The following SLC4A11 variants were observed in gnomAD, a reference collection of about 807,000 sequenced individuals.
SLC4A11 encodes the protein bicarbonate transporter related protein 1.
In SLC4A11, 74 loss-of-function variants were observed where a neutral mutation model predicts 95.0. The ratio of observed to expected loss-of-function variants is 0.78; its 90% CI spans 0.65 to 0.95. The LOEUF is 0.95. SLC4A11 is among the 40% of genes least tolerant of loss of function. SLC4A11 has a pLI of 0.00. For synonymous variants in SLC4A11, 548 were observed against 519.0 expected (o/e 1.06, Z -0.76); for missense variants, 1,081 against 1,192.4 (o/e 0.91, Z 1.38).
rs929013659 is a variant in SLC4A11 at position 3,231,343 on chromosome 20, T to C, written c.935A>G (p.His312Arg). 1 of 1,613,850 alleles carries C rather than the reference T, an allele frequency of 6.2e-7. No individual in the cohort carries two copies. The highest frequency in any genetic ancestry group is 8.5e-7 in the Non-Finnish European group (1 of 1,179,954). Residue 312 changes from histidine (H) to arginine (R), a missense_variant, in exon 8 of 20, where the codon CAC becomes CGC. His to Arg is a conservative substitution (Grantham distance 29, BLOSUM62 0). Around this residue, in one of 3 missense-constraint regions of SLC4A11, gnomAD observed 767 missense variants for 858.0 expected, o/e 0.89. Transcript: ENST00000642402. The surrounding 1 kb of genome is among the most constrained non-coding windows in gnomAD (Gnocchi z 5.2). ...KERSTVSLPA[H>R]RHPEPPKCKD... Reference sequence around the variant, plus strand: ...TCTACCCTGTACCTCTGGGTGTCTGTGGGCAGGGAGGGAGACTGTGCTGCG... The same window carrying C: ...TCTACCCTGTACCTCTGGGTGTCTGCGGGCAGGGAGGGAGACTGTGCTGCG...
At chr20:3,230,420 TA>T in intron 12 of SLC4A11, 94 bp downstream of exon 12, 3 of 1,590,982 alleles carry the variant, frequency 1.9e-6, no homozygotes, top group Non-Finnish European at 2.6e-6. Context: ...GGGGCAGCAA[TA>T]TGGTGGGGGC....
intron 6 of SLC4A11, 91 bp from the exon 7 acceptor site, chr20:3,233,728 G>T: frequency 6.3e-7 from 1 of 1,578,470 alleles, no homozygotes; most frequent in Non-Finnish European, 8.6e-7. Flanking sequence ...GACCCCTGGC[G>T]ACCTCTGCTA....
rs747504469 is a variant in SLC4A11, at chr20:3,228,568, T to A, written c.2332A>T (p.Thr778Ser). 4.3e-6 allele frequency: 7 copies of A among 1,612,778 alleles called. No individual in the cohort carries two copies. The South Asian group carries it at 7.7e-5, about 18-fold the overall frequency. The change falls in exon 18 of 20, where the codon ACC (threonine) becomes TCC (serine). Residue 778 changes from threonine (T) to serine (S), a missense_variant. Around this residue, in one of 3 missense-constraint regions of SLC4A11, gnomAD observed 767 missense variants for 858.0 expected, o/e 0.89. Transcript: ENST00000642402. ...LYGLFLYIAL[T>S]SLDGNQLVQR... ...ACGAGCTGGTTGCCATCGAGGGAGG[T>A]GAGCGCGATGTAGAGGAAGAGGCCA...
chr20:3,234,989 TC>T lies in SLC4A11; in HGVS notation c.89-96del. 1 of 1,515,660 alleles carries T rather than the reference TC, an allele frequency of 6.6e-7. No homozygotes were observed. Among genetic ancestry groups the T allele is most frequent in the Non-Finnish European group, 9.1e-7 (1 of 1,097,680 alleles). 93.9% of individuals were successfully genotyped at this position (1,515,660 alleles called of 1,614,324 possible). A position where few individuals can be genotyped will look rare whatever the true frequency, so the allele number is the denominator to read the frequency against. ...CCAGGGAGCAGGGACCCCTGGACTG[TC>T]CCACTCTCGGGCCGTGGTGGGAGAG... On this transcript the variant is annotated intron_variant, in intron 2 of 19. Coordinates refer to ENST00000642402, the MANE Select transcript of SLC4A11 (RefSeq NM_001174089.2). This position sits in a 1 kb window ranked among gnomAD's most constrained non-coding sequence, Gnocchi z 5.8.
intron 16 of SLC4A11, 35 bp downstream of exon 16, chr20:3,229,060 G>GGGCCCCCCCCCCCCCCCCC: frequency 6.5e-7 from 1 of 1,542,068 alleles, no homozygotes; most frequent in Non-Finnish European, 8.7e-7. Context: ...AGAGGCCCGG[G>GGGCCCCCCCCCCCCCCCCC]CCCCGCCCAC....
Position 3,236,246 on chromosome 20 carries a change from C to G in SLC4A11, c.88+1298G>C, listed in dbSNP as rs557976202. ...GCCCTAGTGCCTCCTGCATCAAAGT[C>G]CCCAGGGACTGGTGACTCCCAGGCC... is the stretch of plus-strand genomic sequence containing the variant. On this transcript the variant is annotated intron_variant, in intron 2 of 19. Coordinates refer to ENST00000642402, the MANE Select transcript of SLC4A11 (RefSeq NM_001174089.2). 6.5e-4 allele frequency among the ~76,000 whole-genome samples: 99 copies of G among 152,260 alleles called. 1 individual carries two copies. The highest frequency in any genetic ancestry group is 6.5e-3 in the Admixed American group (99 of 15,294).
upstream of SLC4A11, chr20:3,239,498 C>T: frequency 1.0e-6 from 1 of 1,003,626 alleles, no homozygotes; most frequent in Non-Finnish European, 1.2e-6. Flanking sequence ...GGCCGGGGAG[C>T]TTCTGGGAAA....
At position 3,234,866 on chromosome 20, in the gene SLC4A11, G is replaced by A. The variant is rs774713662; in HGVS notation, c.117C>T (p.Thr39=). Reference sequence around the variant, plus strand: ...CCAGGATCTCCTCTCGGGCTTCGAAGGTGTCATCTGTGTCACACTTGTAGT... The same window carrying A: ...CCAGGATCTCCTCTCGGGCTTCGAAAGTGTCATCTGTGTCACACTTGTAGT... ...SSYYKCDTDD[T]FEAREEILGD... Residue 39 remains threonine (T), a synonymous_variant, in exon 3 of 20, where the codon ACC becomes ACT. Coordinates refer to ENST00000642402, the MANE Select transcript of SLC4A11 (RefSeq NM_001174089.2). The surrounding 1 kb of genome is among the most constrained non-coding windows in gnomAD (Gnocchi z 5.8). The A allele has an allele frequency of 2.8e-5, 45 of 1,613,862 alleles. No homozygotes were observed. In the South Asian group the frequency reaches 4.9e-4, roughly 18 times the overall value.
intron 2 of SLC4A11, among the ~76,000 whole-genome samples, chr20:3,236,975 G>T (rs2122643406): frequency 6.6e-6 from 1 of 152,244 alleles, no homozygotes; most frequent in East Asian, 1.9e-4. Context: ...CATGTCCTGA[G>T]GGCTCTGGGT....
chr20:3,239,446 G>GGACCCAGCA (rs1568550514), upstream of SLC4A11: 1 of 1,046,176 alleles, frequency 9.6e-7, no homozygotes, highest in Non-Finnish European at 1.1e-6. Context: ...TGTGCGCGCC[G>GGACCCAGCA]GACCCAGCAG....
Position 3,228,425 on chromosome 20 carries a change from C to T in SLC4A11, c.2392G>A (p.Ala798Thr). The change falls in exon 19 of 20, where the codon GCG becomes ACG. Residue 798 changes from alanine (A) to threonine (T), a missense_variant. Ala to Thr is a moderately conservative substitution (Grantham distance 58). Transcript: ENST00000642402. ...CGGATGTAGTGTGTCGGGGGGTACGCAGTCTGTGGGCGGCAGGGACCGGGT... is the reference window on the plus strand; with the variant it reads ...CGGATGTAGTGTGTCGGGGGGTACGTAGTCTGTGGGCGGCAGGGACCGGGT... ...RVALLLKEQT[A>T]YPPTHYIRRV... 1.2e-6 allele frequency: 2 copies of T among 1,613,190 alleles called. No homozygotes were observed. Among genetic ancestry groups the T allele is most frequent in the Non-Finnish European group, 1.7e-6 (2 of 1,179,968 alleles).
In SLC4A11 at chr20:3,228,269, T is replaced by C; in HGVS notation, c.2548A>G (p.Ile850Val). 1 of 1,611,866 alleles carries C rather than the reference T, an allele frequency of 6.2e-7. No homozygotes were observed. The highest frequency in any genetic ancestry group is 8.5e-7 in the Non-Finnish European group (1 of 1,179,750). ...MIFPLIMIAMIPIRYILLPRI... is the reference protein window; with the variant it reads ...MIFPLIMIAMVPIRYILLPRI... The stretch of plus-strand genomic sequence containing the variant: ...CCCACCCGCCTGTACCGGATGGGGA[T>C]CATGGCGATCATGATGAGGGGAAAG... Residue 850 changes from isoleucine (I) to valine (V), a missense_variant, in exon 19 of 20, where the codon ATC becomes GTC. Transcript: ENST00000642402.
In SLC4A11 at chr20:3,227,724, C is replaced by A. The variant is rs1375164501; in HGVS notation, c.*63G>T. ...CACACACCTACACCTCCCCTCACAG[C>A]TCCAGAGCCAGCCTGGGAGGACGTG... is the stretch of plus-strand genomic sequence containing the variant. On this transcript the variant is annotated 3_prime_UTR_variant, in exon 20 of 20. Coordinates refer to ENST00000642402, the MANE Select transcript of SLC4A11 (RefSeq NM_001174089.2). 3 of 1,573,540 alleles carry A rather than the reference C, an allele frequency of 1.9e-6. No individual in the cohort carries two copies. The East Asian group carries it at 6.7e-5, about 35-fold the overall frequency.
Position 3,233,670 on chromosome 20 carries a change from T to G in SLC4A11, c.606-33A>C, listed in dbSNP as rs536707781. The stretch of plus-strand genomic sequence containing the variant: ...GGGCGGGGAGGACACAGTGCACAGT[T>G]GCACCCCAGGGAGCTGGGGCTCCCC... On this transcript the variant is annotated intron_variant, in intron 6 of 19. Coordinates refer to ENST00000642402, the MANE Select transcript of SLC4A11 (RefSeq NM_001174089.2). 1.3e-4 allele frequency: 211 copies of G among 1,608,882 alleles called. 3 individuals are homozygous for G. In the South Asian group the frequency reaches 2.2e-3, roughly 17 times the overall value.
At chr20:3,233,827 C>T in intron 6 of SLC4A11, 94 bp downstream of exon 6, 1 of 1,533,366 alleles carries the variant, frequency 6.5e-7, no homozygotes, top group Non-Finnish European at 9.0e-7. Context: ...AGCCCCAGGA[C>T]TCACAGGTGG....
chr20:3,230,599 TAGA>T lies in SLC4A11; in HGVS notation c.1328_1330del (p.Phe443del). Reference sequence around the variant, plus strand: ...ACTATTCCACAGGCCCGTCCATGCGTAGAAGGAGTTGAAGTCCAGGTCATAGTC... The same window carrying T: ...ACTATTCCACAGGCCCGTCCATGCGTAGGAGTTGAAGTCCAGGTCATAGTC... On this transcript the variant is annotated inframe_deletion, in exon 12 of 20. Transcript: ENST00000642402. 3.7e-6 allele frequency: 6 copies of T among 1,613,692 alleles called. No individual in the cohort carries two copies. Among genetic ancestry groups the T allele is most frequent in the Non-Finnish European group, 5.1e-6 (6 of 1,179,980 alleles).
At position 3,231,622 on chromosome 20, in the gene SLC4A11, T is replaced by A; in HGVS notation, c.730-74A>T. ...CCGGGCCGAGCAGGTGAAGGTGCTC[T>A]CCCCATGAACTGGCAGCAGGTTTTT... is the stretch of plus-strand genomic sequence containing the variant. On this transcript the variant is annotated intron_variant, in intron 7 of 19. Transcript: ENST00000642402. The surrounding 1 kb of genome is among the most constrained non-coding windows in gnomAD (Gnocchi z 5.2). The A allele has an allele frequency of 2.1e-6, 3 of 1,407,016 alleles. No individual in the cohort carries two copies. In the Admixed American group the frequency reaches 5.2e-5, roughly 24 times the overall value. 87.2% of individuals were successfully genotyped at this position (1,407,016 alleles called of 1,614,324 possible). A position where few individuals can be genotyped will look rare whatever the true frequency, so the allele number is the denominator to read the frequency against.
chr20:3,230,900 A>ACCCCCCCCCC, intron 10 of SLC4A11, 33 bp downstream of exon 10: 1 of 1,610,754 alleles, frequency 6.2e-7, no homozygotes, highest in Non-Finnish European at 8.5e-7. Context: ...AGCCCAGCAT[A>ACCCCCCCCCC]CCCCCACCCA....
intron 2 of SLC4A11, among the ~76,000 whole-genome samples, chr20:3,235,944 C>T (rs2014434): frequency 1.4e-3 from 212 of 152,250 alleles, no homozygotes; most frequent in Non-Finnish European, 2.3e-3. Context: ...TAGATCCCTG[C>T]CTCACCCCTG....
Sources: gnomAD v4.1 joint callset for allele counts (sites outside exome capture counted in the v4.1 genomes callset) on GRCh38, gnomAD v4.1.1 for gene constraint, gnomAD v4.1.1 regional missense constraint, Gnocchi (gnomAD v3.1) non-coding constraint, MANE v1.5 for transcripts, NCBI Gene and HGNC (gene_info 2026-07-23, HGNC 2026-07-21) for gene names.